Variants in PUS7L observed in about 807,000 individuals in gnomAD.
The protein encoded by PUS7L is pseudouridine synthase 7 like.
A neutral mutation model predicts 51.1 loss-of-function variants in PUS7L; 49 were observed. That is an observed-to-expected ratio of 0.96 (90% CI 0.76 to 1.22). PUS7L has a LOEUF of 1.22. Among genes scored for constraint, PUS7L ranks in the 50% most tolerant of loss-of-function variants. The pLI, the probability that PUS7L is intolerant of heterozygous loss-of-function variation, is 0.00. For synonymous variants in PUS7L, 277 were observed against 276.2 expected, an observed-to-expected ratio of 1.00 and a Z score of -0.03; for missense variants, 828 against 820.6, an observed-to-expected ratio of 1.01 and a Z score of -0.11.
In PUS7L at chr12:43,738,592, T is replaced by C. The variant is rs117220364; in HGVS notation, c.1363-201A>G. On this transcript the variant is annotated intron_variant, in intron 5 of 8. Coordinates refer to ENST00000344862, the MANE Select transcript of PUS7L (RefSeq NM_031292.5). The stretch of plus-strand genomic sequence containing the variant: ...AAGCCTTCTGCATGAAATAATTTTA[T>C]ATATAGGTTTAAAATATTATGGACT... Among the ~76,000 whole-genome samples, 710 of 152,320 alleles carry C rather than the reference T, an allele frequency of 4.7e-3. 11 individuals carry two copies. In the East Asian group the frequency reaches 0.062, roughly 13 times the overall value.
At chr12:43,730,872 T>TA (rs1258551047) in intron 8 of PUS7L, among the ~76,000 whole-genome samples, 170 bp from the exon 9 acceptor site, 1 of 152,210 alleles carries the variant, frequency 6.6e-6, no homozygotes, top group Non-Finnish European at 1.5e-5. Context: ...GATATTTTTA[T>TA]GCTGCCAAAG....
chr12:43,734,624 G>A (rs764152640), intron 7 of PUS7L, among the ~76,000 whole-genome samples: 1 of 152,128 alleles, frequency 6.6e-6, no homozygotes, highest in Non-Finnish European at 1.5e-5. Context: ...ACCGGACCAT[G>A]TTCTAGTTCT....
At chr12:43,749,006 G>C (rs1419322015) in intron 2 of PUS7L, among the ~76,000 whole-genome samples, 1 of 152,192 alleles carries the variant, frequency 6.6e-6, no homozygotes, top group Non-Finnish European at 1.5e-5. Flanking sequence ...ACAGGCGTCA[G>C]CCACCATGCC....
rs1038450647 is a variant in PUS7L, at chr12:43,721,658, T to A, written c.*8718A>T. The A allele has an allele frequency of 5.3e-5, 8 of 151,990 alleles. No homozygotes were observed. Among genetic ancestry groups the A allele is most frequent in the African/African-American group, 1.9e-4 (8 of 41,394 alleles). 9.4% of individuals were successfully genotyped at this position (151,990 alleles called of 1,614,324 possible). A position where few individuals can be genotyped will look rare whatever the true frequency, so the allele number is the denominator to read the frequency against. ...AATAAGTACAATACAATGTGAGCCA[T>A]GAGATGGTAGAGAACTATACAAAAG... On this transcript the variant is annotated 3_prime_UTR_variant, in exon 9 of 9. Transcript: ENST00000344862.
At chr12:43,746,303 T>C in intron 3 of PUS7L, 65 bp from the exon 4 acceptor site, 1 of 700,790 alleles carries the variant, frequency 1.4e-6, no homozygotes, top group South Asian at 2.3e-5. Flanking sequence ...TAAAATAAGG[T>C]TTTAAGTGGC....
chr12:43,742,035 A>T (rs552668439), intron 5 of PUS7L, among the ~76,000 whole-genome samples: 119 of 152,280 alleles, frequency 7.8e-4, no homozygotes, highest in South Asian at 1.7e-3. Context: ...TAGTTGTAAC[A>T]TGAATTTTTA....
rs1185232463 is a variant in PUS7L at position 43,736,574 on chromosome 12, G to A, written c.1532C>T (p.Thr511Ile). The change falls in exon 7 of 9, where the codon ACC (threonine) becomes ATC (isoleucine). Residue 511 changes from threonine to isoleucine, a missense_variant. Transcript: ENST00000344862. ...LLEALHRFGM[T>I]EEGCIQAWFS... is the part of the protein sequence containing the mutation. ...CCATGCCTGGATACAACCTTCCTCG[G>A]TCATGCCAAAGCGGTGCAATGCCTC... The A allele has an allele frequency of 6.2e-7, 1 of 1,614,168 alleles. No homozygotes were observed. The highest frequency in any genetic ancestry group is 2.2e-5 in the East Asian group (1 of 44,888).
In PUS7L at chr12:43,755,154, G is replaced by C; in HGVS notation, c.92C>G (p.Pro31Arg). The C allele has an allele frequency of 6.2e-7, 1 of 1,612,752 alleles. No individual in the cohort carries two copies. Among genetic ancestry groups the C allele is most frequent in the Non-Finnish European group, 8.5e-7 (1 of 1,179,034 alleles). ...AATTTCAATAACAATAAAGTCACTT[G>C]GTGAGCTTTTTATAGTGCCATGAAA... ...VGFHGTIKSS[P>R]SDFIVIEIDE... Residue 31 changes from proline (P) to arginine (R), a missense_variant, in exon 2 of 9, where the codon CCA becomes CGA. Coordinates refer to ENST00000344862, the MANE Select transcript of PUS7L (RefSeq NM_031292.5).
In PUS7L at chr12:43,724,874, A is replaced by G. The variant is rs1467352655; in HGVS notation, c.*5502T>C. On this transcript the variant is annotated 3_prime_UTR_variant, in exon 9 of 9. Coordinates refer to ENST00000344862, the MANE Select transcript of PUS7L (RefSeq NM_031292.5). ...TTAAAATTAAATTTAGTTTTAAAGG[A>G]AACATAATACCATCACATAAACAGG... The G allele has an allele frequency of 6.6e-6, 1 of 152,224 alleles. No homozygotes were observed. Among genetic ancestry groups the G allele is most frequent in the Non-Finnish European group, 1.5e-5 (1 of 68,026 alleles). 9.4% of individuals were successfully genotyped at this position (152,224 alleles called of 1,614,324 possible). A position where few individuals can be genotyped will look rare whatever the true frequency, so the allele number is the denominator to read the frequency against.
chr12:43,736,686 T>G, intron 6 of PUS7L, 25 bp from the exon 7 acceptor site: 1 of 1,596,388 alleles, frequency 6.3e-7, no homozygotes, highest in South Asian at 1.1e-5. Context: ...AAATCAGGTA[T>G]AGTTAGCCAC....
rs2137649851 is a variant in PUS7L, at chr12:43,727,517, A to G, written c.*2859T>C. On this transcript the variant is annotated 3_prime_UTR_variant, in exon 9 of 9. Coordinates refer to ENST00000344862, the MANE Select transcript of PUS7L (RefSeq NM_031292.5). Reference sequence around the variant, plus strand: ...ACTACACAGTCATAAAAAAGAACAAAATAATGTCTTTCCAGCAACATGGAT... The same window carrying G: ...ACTACACAGTCATAAAAAAGAACAAGATAATGTCTTTCCAGCAACATGGAT... 6.6e-6 allele frequency: 1 copy of G among 152,262 alleles called. No homozygotes were observed. The highest frequency in any genetic ancestry group is 2.1e-4 in the South Asian group (1 of 4,816). 9.4% of individuals were successfully genotyped at this position (152,262 alleles called of 1,614,324 possible). A position where few individuals can be genotyped will look rare whatever the true frequency, so the allele number is the denominator to read the frequency against.
rs1264265082 is a variant in PUS7L, at chr12:43,719,156, A to T, written c.*11220T>A. On this transcript the variant is annotated 3_prime_UTR_variant, in exon 9 of 9. Coordinates refer to ENST00000344862, the MANE Select transcript of PUS7L (RefSeq NM_031292.5). The stretch of plus-strand genomic sequence containing the variant: ...GAGAATGGAAATTTACATTCCAAAC[A>T]CACACTGAAATAGAGATGCAAAAAT... The T allele has an allele frequency of 3.3e-5, 5 of 152,236 alleles. No individual in the cohort carries two copies. The East Asian group carries it at 9.6e-4, about 29-fold the overall frequency. 9.4% of individuals were successfully genotyped at this position (152,236 alleles called of 1,614,324 possible).
chr12:43,733,034 T>C (rs1225090952), intron 7 of PUS7L, among the ~76,000 whole-genome samples: 16 of 152,226 alleles, frequency 1.1e-4, no homozygotes, highest in Non-Finnish European at 1.8e-4. Context: ...TAAAACACCA[T>C]GCTTTGTCTT....
chr12:43,719,860 C>T lies in PUS7L; in HGVS notation c.*10516G>A. 6.6e-6 allele frequency: 1 copy of T among 152,096 alleles called. No individual in the cohort carries two copies. Among genetic ancestry groups the T allele is most frequent in the South Asian group, 2.1e-4 (1 of 4,828 alleles). The allele number at this position is 152,096 out of a possible 1,614,324, so 9.4% of individuals were successfully genotyped here. ...ACTGCATTATTTCCATCAGTCTCAC[C>T]ACAAGTATGTCAGCTCTACTAGTAT... is the stretch of plus-strand genomic sequence containing the variant. On this transcript the variant is annotated 3_prime_UTR_variant, in exon 9 of 9. Transcript: ENST00000344862.
chr12:43,749,353 T>A (rs761735125), intron 2 of PUS7L, among the ~76,000 whole-genome samples: 1 of 152,150 alleles, frequency 6.6e-6, no homozygotes, highest in Non-Finnish European at 1.5e-5. Flanking sequence ...ACCGAAGACA[T>A]GGAATCAACC....
At chr12:43,741,809 C>T (rs1937909556) in intron 5 of PUS7L, among the ~76,000 whole-genome samples, 1 of 152,158 alleles carries the variant, frequency 6.6e-6, no homozygotes. Flanking sequence ...TTCTCTTCCA[C>T]TCAAGAAATC....
chr12:43,747,670 G>A (rs1387019015), intron 3 of PUS7L, among the ~76,000 whole-genome samples: 1 of 151,942 alleles, frequency 6.6e-6, no homozygotes, highest in Non-Finnish European at 1.5e-5. Context: ...TCCAGCCTGG[G>A]CAACAAGGGC....
At chr12:43,736,258 T>A (rs1944685937) in intron 7 of PUS7L, 123 bp downstream of exon 7, 1 of 822,534 alleles carries the variant, frequency 1.2e-6, no homozygotes, top group Non-Finnish European at 1.9e-6. Context: ...TGAGTAAATA[T>A]AAGTACAAAT....
At chr12:43,732,459 G>GAA (rs561462389) in intron 7 of PUS7L, among the ~76,000 whole-genome samples, 3 of 139,114 alleles carry the variant, frequency 2.2e-5, no homozygotes, top group Admixed American at 7.2e-5. Flanking sequence ...AAATAAAATT[G>GAA]AAAAAAAAAA....
Sources: gnomAD v4.1 joint callset for allele counts (sites outside exome capture counted in the v4.1 genomes callset) on GRCh38, gnomAD v4.1.1 for gene constraint, MANE v1.5 for transcripts, NCBI Gene and HGNC (gene_info 2026-07-23, HGNC 2026-07-21) for gene names.